CREG2: variants seen among roughly 807,000 people sequenced by gnomAD.
CREG2 encodes cellular repressor of E1A stimulated genes 2.
A neutral mutation model predicts 26.2 loss-of-function variants in CREG2; 24 were observed. The observed-to-expected ratio is 0.92, with a 90% CI of 0.66 to 1.29. The LOEUF (loss-of-function observed/expected upper bound fraction) is 1.29, where lower values mean the gene tolerates loss of function less well. Ranked by LOEUF, CREG2 falls within the 50% of genes most tolerant of loss-of-function variation. The pLI is 0.00. For missense variants in CREG2, 366 were observed against 398.6 expected (o/e 0.92, Z 0.70); for synonymous variants, 174 against 169.2 (o/e 1.03, Z -0.22).
At chr2:101,369,371 A>C (rs1412216377) in intron 2 of CREG2, among the ~76,000 whole-genome samples, 1 of 152,248 alleles carries the variant, frequency 6.6e-6, no homozygotes, top group Non-Finnish European at 1.5e-5. Flanking sequence ...TGCCATGCAG[A>C]CAGGGAGCCC....
At position 101,383,865 on chromosome 2, in the gene CREG2, C is replaced by G. The variant is rs144554988; in HGVS notation, c.442-163G>C. On this transcript the variant is annotated intron_variant, in intron 1 of 3. Transcript: ENST00000324768. ...TAGTAAATCAAGGTGAGGTGGTCCC[C>G]AGTCTGCCCAATTCACTCCGTGGTG... 5.5e-3 allele frequency among the ~76,000 whole-genome samples: 836 copies of G among 152,286 alleles called. 6 individuals carry two copies. The highest frequency in any genetic ancestry group is 6.7e-3 in the Non-Finnish European group (455 of 68,038).
At chr2:101,365,868 C>A (rs763923114) in intron 2 of CREG2, among the ~76,000 whole-genome samples, 1 of 152,162 alleles carries the variant, frequency 6.6e-6, no homozygotes, top group Non-Finnish European at 1.5e-5. Flanking sequence ...AAGCAGAAAC[C>A]TCCTACATAG....
rs933151651 is a variant in CREG2, at chr2:101,346,088, C to T, written c.*4835G>A. ...TCCTGACCTCAAGTGATCCTCCTGC[C>T]TTGGCCTCCCAAAGTGTTTGGATTA... On this transcript the variant is annotated 3_prime_UTR_variant, in exon 4 of 4. Coordinates refer to ENST00000324768, the MANE Select transcript of CREG2 (RefSeq NM_153836.4). 1 of 151,112 alleles carries T rather than the reference C, an allele frequency of 6.6e-6. No individual in the cohort carries two copies. The highest frequency in any genetic ancestry group is 1.5e-5 in the Non-Finnish European group (1 of 67,912). 9.4% of individuals were successfully genotyped at this position (151,112 alleles called of 1,614,324 possible).
intron 1 of CREG2, among the ~76,000 whole-genome samples, chr2:101,384,211 A>G (rs1449824298): frequency 6.6e-6 from 1 of 152,182 alleles, no homozygotes; most frequent in East Asian, 1.9e-4. Context: ...TGTTTCTTTT[A>G]GGGCTGCATC....
intron 3 of CREG2, among the ~76,000 whole-genome samples, chr2:101,352,415 GGTGCAGCAAACCCTAATCCATGGGGCACT>G (rs1684397340): frequency 6.6e-6 from 1 of 152,154 alleles, no homozygotes; most frequent in African/African-American, 2.4e-5. Context: ...AAGTGGTGCT[GGTGCAGCAAACCCTAATCCATGGGGCACT>G]GGCTCTGGGC....
intron 2 of CREG2, among the ~76,000 whole-genome samples, chr2:101,379,969 T>TTCTTTCTA (rs1553447736): frequency 6.8e-6 from 1 of 147,742 alleles, no homozygotes; most frequent in Non-Finnish European, 1.5e-5. Flanking sequence ...GTGTGAAAGC[T>TTCTTTCTA]TCTATCTATC....
rs548466430 is a variant in CREG2 at position 101,346,887 on chromosome 2, A to G, written c.*4036T>C. 1.3e-5 allele frequency: 2 copies of G among 152,304 alleles called. No individual in the cohort carries two copies. Among genetic ancestry groups the G allele is most frequent in the Admixed American group, 6.5e-5 (1 of 15,288 alleles). The allele number at this position is 152,304 out of a possible 1,614,324, so 9.4% of individuals were successfully genotyped here. On this transcript the variant is annotated 3_prime_UTR_variant, in exon 4 of 4. Transcript: ENST00000324768. ...TGCTAAACTACAGTACAATATCCCA[A>G]CCAGGATTTTCACATTGATTTGGTC...
At chr2:101,367,605 T>TTAACCCCAGATGCCAAAGAAGTCC (rs1684637278) in intron 2 of CREG2, among the ~76,000 whole-genome samples, 1 of 152,172 alleles carries the variant, frequency 6.6e-6, no homozygotes, top group Non-Finnish European at 1.5e-5. Context: ...CAAAGATGTC[T>TTAACCCCAGATGCCAAAGAAGTCC]TAATCCCCAG....
intron 2 of CREG2, among the ~76,000 whole-genome samples, chr2:101,358,724 G>C (rs535806908): frequency 3.9e-5 from 6 of 152,188 alleles, no homozygotes; most frequent in East Asian, 3.9e-4. Context: ...TTCAGCTGAG[G>C]GGGGCATAAG....
intron 2 of CREG2, among the ~76,000 whole-genome samples, chr2:101,360,426 G>A (rs1316727393): frequency 1.3e-5 from 2 of 152,120 alleles, no homozygotes; most frequent in Non-Finnish European, 2.9e-5. Context: ...TATGTGCTGT[G>A]TGGCTCCATT....
At chr2:101,380,297 C>A (rs72990605) in intron 2 of CREG2, among the ~76,000 whole-genome samples, 7 of 152,198 alleles carry the variant, frequency 4.6e-5, no homozygotes, top group Non-Finnish European at 7.3e-5. Context: ...TTCTTGCTCC[C>A]GGGCTGTATC....
intron 2 of CREG2, among the ~76,000 whole-genome samples, chr2:101,357,209 G>T (rs1017500753): frequency 6.6e-6 from 1 of 151,910 alleles, no homozygotes; most frequent in Non-Finnish European, 1.5e-5. Context: ...TTTTAATAGA[G>T]ATGGGGTTTC....
At chr2:101,358,622 G>A (rs973043709) in intron 2 of CREG2, among the ~76,000 whole-genome samples, 1 of 152,186 alleles carries the variant, frequency 6.6e-6, no homozygotes, top group Admixed American at 6.5e-5. Context: ...AGCTATAGGT[G>A]TCCATGACAA....
rs116215450 is a variant in CREG2 at position 101,348,121 on chromosome 2, G to C, written c.*2802C>G. On this transcript the variant is annotated 3_prime_UTR_variant, in exon 4 of 4. Coordinates refer to ENST00000324768, the MANE Select transcript of CREG2 (RefSeq NM_153836.4). ...AAAATCAGTTGAGCATATTTGTGTG[G>C]GCCTATTTCTAGATTCCCTATTCTG... The C allele has an allele frequency of 6.6e-6, 1 of 152,006 alleles. No individual in the cohort carries two copies. The highest frequency in any genetic ancestry group is 1.5e-5 in the Non-Finnish European group (1 of 67,990). 9.4% of individuals were successfully genotyped at this position (152,006 alleles called of 1,614,324 possible).
intron 1 of CREG2, 120 bp from the exon 2 acceptor site, chr2:101,383,822 C>G (rs545627932): frequency 4.4e-6 from 4 of 900,586 alleles, no homozygotes; most frequent in Non-Finnish European, 6.7e-6. Flanking sequence ...ATCATGGCAT[C>G]ACAGTGGCTC....
chr2:101,380,219 G>A (rs1039750499), intron 2 of CREG2, among the ~76,000 whole-genome samples: 4 of 152,198 alleles, frequency 2.6e-5, no homozygotes, highest in African/African-American at 9.6e-5. Flanking sequence ...GCCTGTCCTC[G>A]GAATAGTCTC....
At chr2:101,368,867 G>A (rs1237729191) in intron 2 of CREG2, among the ~76,000 whole-genome samples, 1 of 152,132 alleles carries the variant, frequency 6.6e-6, no homozygotes, top group Non-Finnish European at 1.5e-5. Flanking sequence ...CCTCAGCCTT[G>A]GCCTTCCACC....
intron 2 of CREG2, among the ~76,000 whole-genome samples, chr2:101,364,967 G>T (rs1252573152): frequency 6.6e-6 from 1 of 152,248 alleles, no homozygotes; most frequent in Non-Finnish European, 1.5e-5. Context: ...CATGTTGCAG[G>T]AGGGTTGCAC....
intron 2 of CREG2, among the ~76,000 whole-genome samples, chr2:101,372,759 T>C (rs1684729960): frequency 1.3e-5 from 2 of 152,202 alleles, no homozygotes; most frequent in African/African-American, 4.8e-5. Flanking sequence ...AAAAGGTTCA[T>C]ATCTAGAATA....
Sources: gnomAD v4.1 joint callset for allele counts (sites outside exome capture counted in the v4.1 genomes callset) on GRCh38, gnomAD v4.1.1 for gene constraint, MANE v1.5 for transcripts, NCBI Gene and HGNC (gene_info 2026-07-23, HGNC 2026-07-21) for gene names.